The following PLD2 variants were observed in gnomAD, a reference collection of about 807,000 sequenced individuals.
PLD2 encodes phospholipase D2, also known as choline phosphatase 2.
In PLD2, 101 loss-of-function variants were observed where a neutral mutation model predicts 119.8. That is an observed-to-expected ratio of 0.84 (90% CI 0.72 to 0.99). PLD2 has a LOEUF of 0.99. Ranked by LOEUF, PLD2 falls within the 50% of genes least tolerant of loss-of-function variation. PLD2 has a pLI of 0.00. For missense variants in PLD2, 1,164 were observed against 1,226.8 expected (o/e 0.95, Z 0.76); for synonymous variants, 494 against 482.8 (o/e 1.02, Z -0.30).
In PLD2 at chr17:4,808,525, T is replaced by G; in HGVS notation, c.383+109T>G. The G allele has an allele frequency of 1.9e-6, 2 of 1,071,258 alleles. No individual in the cohort carries two copies. Among genetic ancestry groups the G allele is most frequent in the Non-Finnish European group, 2.8e-6 (2 of 721,148 alleles). 66.4% of individuals were successfully genotyped at this position (1,071,258 alleles called of 1,614,324 possible). ...TTCCTCCCTGCAACTCTGGCCACTG[T>G]GCTGCCTCCCCTGACCCCAGTTACC... is the stretch of plus-strand genomic sequence containing the variant. On this transcript the variant is annotated intron_variant, in intron 4 of 24. Coordinates refer to ENST00000263088, the MANE Select transcript of PLD2 (RefSeq NM_002663.5). The surrounding 1 kb of genome is among the most constrained non-coding windows in gnomAD (Gnocchi z 4.1).
chr17:4,820,862 C>T (rs1907603608), intron 23 of PLD2, among the ~76,000 whole-genome samples: 1 of 149,616 alleles, frequency 6.7e-6, no homozygotes, highest in African/African-American at 2.5e-5. Context: ...AGGCATGAGC[C>T]ACCACGCCCG....
Position 4,816,705 on chromosome 17 carries a change from T to C in PLD2, c.1541T>C (p.Leu514Pro), listed in dbSNP as rs1490114704. ...TGGCTGGGCAAGGACTACAGCAATCTTATCACCAAGGACTGGGTGCAGCTG... is the reference window on the plus strand; with the variant it reads ...TGGCTGGGCAAGGACTACAGCAATCCTATCACCAAGGACTGGGTGCAGCTG... ...FFWLGKDYSN[L>P]ITKDWVQLDR... The change falls in exon 15 of 25, where the codon CTT becomes CCT. Residue 514 changes from leucine (L) to proline (P), a missense_variant. By Grantham distance (98) the Leu-to-Pro change is moderately conservative. Coordinates refer to ENST00000263088, the MANE Select transcript of PLD2 (RefSeq NM_002663.5). 6.2e-7 allele frequency: 1 copy of C among 1,614,112 alleles called. No homozygotes were observed. Among genetic ancestry groups the C allele is most frequent in the East Asian group, 2.2e-5 (1 of 44,868 alleles).
At chr17:4,817,119 G>T in intron 16 of PLD2, 27 bp from the exon 17 acceptor site, 1 of 1,600,296 alleles carries the variant, frequency 6.2e-7, no homozygotes, top group East Asian at 2.2e-5. Context: ...GGCACCTCCT[G>T]CTGACTCTGC....
chr17:4,816,539 C>T lies in PLD2; in HGVS notation c.1456-81C>T, dbSNP rs1906990091. ...TTCCTCTCGGTCTCTCTCACTCTTT[C>T]AGTGCTCCTCTCTTTGGCCCTGGCT... On this transcript the variant is annotated intron_variant, in intron 14 of 24. Coordinates refer to ENST00000263088, the MANE Select transcript of PLD2 (RefSeq NM_002663.5). The T allele has an allele frequency of 2.1e-6, 3 of 1,405,728 alleles. No individual in the cohort carries two copies. In the East Asian group the frequency reaches 6.8e-5, roughly 32 times the overall value. 87.1% of individuals were successfully genotyped at this position (1,405,728 alleles called of 1,614,324 possible).
chr17:4,814,166 C>A (rs1261943261), intron 10 of PLD2: 3 of 412,890 alleles, frequency 7.3e-6, no homozygotes, highest in Non-Finnish European at 8.5e-6. Flanking sequence ...TATTGGTGTT[C>A]TTTATGTATG....
In PLD2 at chr17:4,812,996, CGTTT is replaced by C. The variant is rs532432709; in HGVS notation, c.1011-1417_1011-1414del. ...GTCATGGAAGGAAGTTTTGTTTGTT[CGTTT>C]GTTTTGTTTTGGTTTGGTTTGGTTT... is the stretch of plus-strand genomic sequence containing the variant. On this transcript the variant is annotated intron_variant, in intron 10 of 24. Transcript: ENST00000263088. 5.7e-3 allele frequency among the ~76,000 whole-genome samples: 872 copies of C among 152,044 alleles called. 12 individuals are homozygous for C. The highest frequency in any genetic ancestry group is 0.019 in the African/African-American group (783 of 41,498).
intron 17 of PLD2, chr17:4,817,497 C>T (rs911076735): frequency 2.0e-6 from 1 of 512,288 alleles, no homozygotes; most frequent in Non-Finnish European, 3.6e-6. Context: ...CCCATCTCTA[C>T]TAAAAATACA....
At chr17:4,816,058 C>A in intron 14 of PLD2, 124 bp downstream of exon 14, 1 of 738,938 alleles carries the variant, frequency 1.4e-6, no homozygotes, top group Non-Finnish European at 2.3e-6. Flanking sequence ...GTTCCTCAGA[C>A]TTTCTGGGAC....
In PLD2 at chr17:4,819,971, A is replaced by G. The variant is rs1907477775; in HGVS notation, c.2462+389A>G. ...AAAAAATCTTTTTTTTTTGAGACGG[A>G]GTTTTGCTCTTGTTGCCCAGGCTGG... On this transcript the variant is annotated intron_variant, in intron 23 of 24. Transcript: ENST00000263088. The surrounding 1 kb of genome is among the most constrained non-coding windows in gnomAD (Gnocchi z 4.2). Among the ~76,000 whole-genome samples, 1 of 151,748 alleles carries G rather than the reference A, an allele frequency of 6.6e-6. No homozygotes were observed. The highest frequency in any genetic ancestry group is 1.5e-5 in the Non-Finnish European group (1 of 67,942).
At chr17:4,821,584 G>A (rs1033746753) in intron 23 of PLD2, 6 of 396,346 alleles carry the variant, frequency 1.5e-5, no homozygotes, top group Non-Finnish European at 2.8e-5. Flanking sequence ...TTGTAGAGAT[G>A]GGGTTTTGCC....
Position 4,821,810 on chromosome 17 carries a change from A to G in PLD2, c.2480A>G (p.Asn827Ser). 1 of 1,613,708 alleles carries G rather than the reference A, an allele frequency of 6.2e-7. No individual in the cohort carries two copies. Among genetic ancestry groups the G allele is most frequent in the Non-Finnish European group, 8.5e-7 (1 of 1,179,708 alleles). The change falls in exon 24 of 25, where the codon AAT (asparagine) becomes AGT (serine). Residue 827 changes from asparagine to serine, a missense_variant. Physicochemically the swap from Asn to Ser is conservative, Grantham distance 46. Transcript: ENST00000263088. The part of the protein sequence containing the change: ...KHCFGVILGA[N>S]TRPDLDLRDP... ...TCCTATAGTGTGATTCTTGGAGCAAATACCCGGCCAGACTTGGATCTCCGA... is the reference window on the plus strand; with the variant it reads ...TCCTATAGTGTGATTCTTGGAGCAAGTACCCGGCCAGACTTGGATCTCCGA...
At chr17:4,812,031 T>C (rs1040138659) in intron 10 of PLD2, among the ~76,000 whole-genome samples, 1 of 151,132 alleles carries the variant, frequency 6.6e-6, no homozygotes, top group African/African-American at 2.4e-5. Flanking sequence ...ACGGGTGTGG[T>C]CTCGAACTCC....
chr17:4,808,481 C>T lies in PLD2; in HGVS notation c.383+65C>T. ...TCCCCACCCTCCTTTCTGTCTGTCT[C>T]ACCCCGGGGCCACAACCTTTCCTCC... On this transcript the variant is annotated intron_variant, in intron 4 of 24. Coordinates refer to ENST00000263088, the MANE Select transcript of PLD2 (RefSeq NM_002663.5). The surrounding 1 kb of genome is among the most constrained non-coding windows in gnomAD (Gnocchi z 4.1). 1 of 1,517,880 alleles carries T rather than the reference C, an allele frequency of 6.6e-7. No homozygotes were observed. The highest frequency in any genetic ancestry group is 9.0e-7 in the Non-Finnish European group (1 of 1,106,994). The allele number at this position is 1,517,880 out of a possible 1,614,324, so 94.0% of individuals were successfully genotyped here. A position where few individuals can be genotyped will look rare whatever the true frequency, so the allele number is the denominator to read the frequency against.
chr17:4,816,211 G>A (rs1239565255), intron 14 of PLD2, among the ~76,000 whole-genome samples: 1 of 152,058 alleles, frequency 6.6e-6, no homozygotes, highest in Non-Finnish European at 1.5e-5. Flanking sequence ...GTGAAACCCT[G>A]TCTCTACTAA....
At chr17:4,813,040 G>A (rs1906632784) in intron 10 of PLD2, among the ~76,000 whole-genome samples, 1 of 152,068 alleles carries the variant, frequency 6.6e-6, no homozygotes. Flanking sequence ...GATGGAGTCT[G>A]GCTCTGTCGC....
chr17:4,810,261 G>A (rs776820707), intron 9 of PLD2, among the ~76,000 whole-genome samples: 8 of 152,168 alleles, frequency 5.3e-5, no homozygotes, highest in East Asian at 3.8e-4. Context: ...TGACATAAAC[G>A]AAATTCCATT....
intron 9 of PLD2, 52 bp downstream of exon 9, chr17:4,810,081 G>A (rs371098754): frequency 1.9e-5 from 30 of 1,575,406 alleles, no homozygotes; most frequent in Middle Eastern, 2.3e-4. Context: ...GCCCACCCAC[G>A]GCCTTGCTGG....
At chr17:4,813,217 C>T (rs1650398352) in intron 10 of PLD2, among the ~76,000 whole-genome samples, 1 of 152,080 alleles carries the variant, frequency 6.6e-6, no homozygotes, top group South Asian at 2.1e-4. Flanking sequence ...ACCATGTTGG[C>T]CAGGCTGGTC....
In PLD2 at chr17:4,819,409, G is replaced by A. The variant is rs772210525; in HGVS notation, c.2309-20G>A. On this transcript the variant is annotated intron_variant, in intron 22 of 24. Coordinates refer to ENST00000263088, the MANE Select transcript of PLD2 (RefSeq NM_002663.5). The surrounding 1 kb of genome is among the most constrained non-coding windows in gnomAD (Gnocchi z 4.2). ...AGTGCCCTGGGCCCAAGCACACAGT[G>A]TGCCCCGCATCCACCCCAGGTTCTG... 2.5e-5 allele frequency: 41 copies of A among 1,611,738 alleles called. No homozygotes were observed. The Admixed American group carries it at 6.6e-4, about 26-fold the overall frequency.
Sources: allele counts gnomAD v4.1 joint callset (sites outside exome capture counted in the v4.1 genomes callset), GRCh38; gene constraint gnomAD v4.1.1; non-coding constraint Gnocchi (gnomAD v3.1); transcripts MANE v1.5; gene names NCBI Gene and HGNC (gene_info 2026-07-23, HGNC 2026-07-21).